Variants in NFIA observed in about 807,000 individuals in gnomAD.
NFIA encodes nuclear factor I A.
In NFIA, 8 loss-of-function variants were observed where a neutral mutation model predicts 62.8. That is an observed-to-expected ratio of 0.13 (90% CI 0.07 to 0.23). The LOEUF (loss-of-function observed/expected upper bound fraction) is 0.23. Ranked by LOEUF, NFIA falls within the 10% of genes least tolerant of loss-of-function variation. The pLI is 1.00. For synonymous variants in NFIA, 235 were observed against 238.1 expected, an observed-to-expected ratio of 0.99 and a Z score of 0.12; for missense variants, 410 against 642.1, an observed-to-expected ratio of 0.64 and a Z score of 3.91.
intron 1 of NFIA, among the ~76,000 whole-genome samples, chr1:61,085,153 T>C (rs746767600): frequency 3.3e-5 from 5 of 152,146 alleles, no homozygotes; most frequent in Non-Finnish European, 7.4e-5. Context: ...TTTCTATCAC[T>C]ATACTCTAAA....
chr1:61,186,211 G>A (rs1344885414), intron 2 of NFIA, among the ~76,000 whole-genome samples: 1 of 152,200 alleles, frequency 6.6e-6, no homozygotes, highest in African/African-American at 2.4e-5. Context: ...TGAGCCATCC[G>A]TCTGCCTGTG....
At chr1:61,108,460 T>G (rs2100448658) in intron 2 of NFIA, among the ~76,000 whole-genome samples, 1 of 151,816 alleles carries the variant, frequency 6.6e-6, no homozygotes, top group Non-Finnish European at 1.5e-5. Flanking sequence ...TATTTACATA[T>G]TTTTAGCCAA....
At chr1:61,132,495 CA>C (rs1647098716) in intron 2 of NFIA, among the ~76,000 whole-genome samples, 1 of 152,162 alleles carries the variant, frequency 6.6e-6, no homozygotes, top group Admixed American at 6.5e-5. Context: ...CAACAAACCT[CA>C]AGTACCATAA....
intron 4 of NFIA, among the ~76,000 whole-genome samples, chr1:61,339,536 C>T (rs1661788484): frequency 6.6e-6 from 1 of 152,080 alleles, no homozygotes; most frequent in African/African-American, 2.4e-5. Context: ...AGAAAAATAA[C>T]AGTCTGGCTG....
intron 10 of NFIA, 132 bp from the exon 11 acceptor site, chr1:61,455,171 C>G (rs1387013772): frequency 1.3e-6 from 1 of 783,952 alleles, no homozygotes; most frequent in Non-Finnish European, 2.1e-6. Context: ...GTCTGTCGTG[C>G]CTTTACTTTT....
chr1:61,342,000 G>A (rs1017153250), intron 4 of NFIA, among the ~76,000 whole-genome samples: 5 of 152,158 alleles, frequency 3.3e-5, no homozygotes, highest in African/African-American at 1.2e-4. Context: ...TAGAAGGGCT[G>A]TTGGTAGTGA....
At chr1:61,434,768 CT>C (rs964202755) in intron 10 of NFIA, among the ~76,000 whole-genome samples, 1 of 151,780 alleles carries the variant, frequency 6.6e-6, no homozygotes, top group Non-Finnish European at 1.5e-5. Flanking sequence ...TTCTTGCTTC[CT>C]TTTTTTTAAT....
Position 61,458,221 on chromosome 1 carries a change from A to T in NFIA, c.*2901A>T, listed in dbSNP as rs933214155. Reference sequence around the variant, plus strand: ...AAAAAAGGAAAAAAAGAAAAAAAAAAAGAAAAAATAGCAGCTTTCAGTGCT... The same window carrying T: ...AAAAAAGGAAAAAAAGAAAAAAAAATAGAAAAAATAGCAGCTTTCAGTGCT... On this transcript the variant is annotated 3_prime_UTR_variant, in exon 11 of 11. Transcript: ENST00000403491. The T allele has an allele frequency of 6.6e-6, 1 of 151,268 alleles. No individual in the cohort carries two copies. Among genetic ancestry groups the T allele is most frequent in the Non-Finnish European group, 1.5e-5 (1 of 67,526 alleles). The allele number at this position is 151,268 out of a possible 1,614,324, so 9.4% of individuals were successfully genotyped here. A position where few individuals can be genotyped will look rare whatever the true frequency, so the allele number is the denominator to read the frequency against.
intron 2 of NFIA, among the ~76,000 whole-genome samples, chr1:61,173,545 T>C (rs1163288804): frequency 1.3e-5 from 2 of 152,082 alleles, no homozygotes; most frequent in Non-Finnish European, 2.9e-5. Flanking sequence ...TGCACCACTA[T>C]GCCCTGCTAA....
chr1:61,273,101 A>G (rs1657612807), intron 2 of NFIA, among the ~76,000 whole-genome samples: 1 of 152,184 alleles, frequency 6.6e-6, no homozygotes, highest in South Asian at 2.1e-4. Flanking sequence ...GGTTTGTTTT[A>G]GGGTGGGAAG....
At chr1:61,320,508 G>A (rs771995568) in intron 3 of NFIA, among the ~76,000 whole-genome samples, 50 of 152,248 alleles carry the variant, frequency 3.3e-4, no homozygotes, top group South Asian at 1.2e-3. Context: ...ATTTGGAGAC[G>A]TATATAATAG....
intron 2 of NFIA, among the ~76,000 whole-genome samples, chr1:61,244,422 CA>C (rs1394215421): frequency 6.6e-6 from 1 of 152,186 alleles, no homozygotes; most frequent in Non-Finnish European, 1.5e-5. Flanking sequence ...TTCCTCCCCA[CA>C]TTGTGGTTTT....
At chr1:61,269,092 A>G (rs552042434) in intron 2 of NFIA, among the ~76,000 whole-genome samples, 1 of 152,064 alleles carries the variant, frequency 6.6e-6, no homozygotes, top group Non-Finnish European at 1.5e-5. Flanking sequence ...TAAAGTGTTT[A>G]TTTTGTCTAG....
chr1:61,344,209 A>T lies in NFIA; in HGVS notation c.701-8241A>T, dbSNP rs1210971775. Among the ~76,000 whole-genome samples the T allele has an allele frequency of 8.5e-5, 13 of 152,310 alleles. No individual in the cohort carries two copies. In the East Asian group the frequency reaches 2.5e-3, roughly 29 times the overall value. On this transcript the variant is annotated intron_variant, in intron 4 of 10. Transcript: ENST00000403491. ...TGATTCCAGATTTGCTTGAGTTTTC[A>T]TAGCATTGTGCGTTTTACAACTGTG...
chr1:61,418,100 T>G (rs1265942111), intron 9 of NFIA, among the ~76,000 whole-genome samples: 1 of 152,238 alleles, frequency 6.6e-6, no homozygotes, highest in East Asian at 1.9e-4. Flanking sequence ...AAAAAAAGTA[T>G]TATTTGAGAT....
At chr1:61,247,546 G>C (rs1302086003) in intron 2 of NFIA, among the ~76,000 whole-genome samples, 1 of 152,178 alleles carries the variant, frequency 6.6e-6, no homozygotes, top group African/African-American at 2.4e-5. Context: ...ACCTGGCACG[G>C]TCCATTGGGG....
intron 3 of NFIA, among the ~76,000 whole-genome samples, chr1:61,294,537 G>A (rs1266892906): frequency 6.6e-6 from 1 of 152,234 alleles, no homozygotes; most frequent in Non-Finnish European, 1.5e-5. Flanking sequence ...AGTCATTTGT[G>A]TAGGATTTTG....
At chr1:61,185,470 T>C (rs918957311) in intron 2 of NFIA, among the ~76,000 whole-genome samples, 1 of 152,140 alleles carries the variant, frequency 6.6e-6, no homozygotes, top group Non-Finnish European at 1.5e-5. Flanking sequence ...CTTCACACCA[T>C]AGCCAGAGTG....
intron 2 of NFIA, among the ~76,000 whole-genome samples, chr1:61,122,648 G>A (rs1646906140): frequency 6.6e-6 from 1 of 152,202 alleles, no homozygotes; most frequent in South Asian, 2.1e-4. Flanking sequence ...AACCTGACCA[G>A]TTGGTAGAAA....
Sources: gnomAD v4.1 joint callset for allele counts (sites outside exome capture counted in the v4.1 genomes callset) on GRCh38, gnomAD v4.1.1 for gene constraint, MANE v1.5 for transcripts, NCBI Gene and HGNC (gene_info 2026-07-23, HGNC 2026-07-21) for gene names.